Variants in PLA2G7 observed in about 807,000 individuals in gnomAD.
PLA2G7 encodes the protein platelet-activating factor acetylhydrolase.
A neutral mutation model predicts 49.6 loss-of-function variants in PLA2G7; 63 were observed. That is an observed-to-expected ratio of 1.27 (90% CI 1.04 to 1.57). PLA2G7 has a LOEUF of 1.57. Ranked by LOEUF, PLA2G7 falls within the 40% of genes most tolerant of loss-of-function variation. The probability of loss-of-function intolerance (pLI) is 0.00; values close to 1 mark genes in which losing one functional copy is unlikely to be tolerated. For missense variants in PLA2G7, 596 were observed against 521.2 expected (o/e 1.14, Z -1.40); for synonymous variants, 193 against 169.9 (o/e 1.14, Z -1.06).
intron 2 of PLA2G7, among the ~76,000 whole-genome samples, chr6:46,722,463 C>T (rs559786520): frequency 1.2e-4 from 18 of 152,108 alleles, no homozygotes; most frequent in African/African-American, 3.9e-4. Context: ...TGTGGGCATG[C>T]GTTAGGGCAG....
chr6:46,720,493 T>A (rs981238109), intron 2 of PLA2G7, among the ~76,000 whole-genome samples: 4 of 152,118 alleles, frequency 2.6e-5, no homozygotes, highest in African/African-American at 9.7e-5. Context: ...TTGGTATAGG[T>A]CTATGGGGTC....
In PLA2G7 at chr6:46,714,529, C is replaced by T; in HGVS notation, c.401G>A (p.Trp134Ter). Residue 134 changes from tryptophan to a stop codon, truncating the protein, a stop_gained, in exon 5 of 12, where the codon TGG (tryptophan) becomes TAG (stop). Coordinates refer to ENST00000274793, the MANE Select transcript of PLA2G7 (RefSeq NM_005084.4). LOFTEE classifies it high-confidence loss of function. ...LFGSMTTPAN[W>*]NSPLRPGEKY... ...TTCACCAGGCCTCAGAGGGGAATTC[C>T]AGTTTGCAGGAGTTGTCATTGAACC... 6.2e-7 allele frequency: 1 copy of T among 1,610,772 alleles called. No homozygotes were observed. The highest frequency in any genetic ancestry group is 8.5e-7 in the Non-Finnish European group (1 of 1,177,344).
intron 10 of PLA2G7, among the ~76,000 whole-genome samples, chr6:46,706,958 T>G (rs1287597830): frequency 6.6e-6 from 1 of 152,188 alleles, no homozygotes; most frequent in African/African-American, 2.4e-5. Context: ...GAGCCCATAG[T>G]GTTTATTGCC....
At chr6:46,711,398 G>T (rs1407064327) in intron 7 of PLA2G7, 98 bp downstream of exon 7, 1 of 1,308,094 alleles carries the variant, frequency 7.6e-7, no homozygotes, top group Non-Finnish European at 1.1e-6. Context: ...AGGAGAGCTA[G>T]GAGCATAACT....
chr6:46,704,739 A>G, intron 11 of PLA2G7, 43 bp from the exon 12 acceptor site: 1 of 1,276,576 alleles, frequency 7.8e-7, no homozygotes, highest in Non-Finnish European at 1.1e-6. Context: ...AACTTTTGAG[A>G]GCATTAAACA....
intron 2 of PLA2G7, among the ~76,000 whole-genome samples, chr6:46,721,509 C>T (rs1246939406): frequency 6.6e-6 from 1 of 151,710 alleles, no homozygotes; most frequent in African/African-American, 2.4e-5. Context: ...AAATTTTTAC[C>T]CTGTACCAAT....
intron 1 of PLA2G7, among the ~76,000 whole-genome samples, chr6:46,724,059 C>T (rs1582583461): frequency 6.6e-6 from 1 of 152,126 alleles, no homozygotes; most frequent in East Asian, 1.9e-4. Flanking sequence ...CTCTGACACC[C>T]AAATGACTGG....
rs560083617 is a variant in PLA2G7, at chr6:46,709,890, C to T, written c.778-472G>A. Among the ~76,000 whole-genome samples, 22 of 152,218 alleles carry T rather than the reference C, an allele frequency of 1.4e-4. 1 individual carries two copies. The East Asian group carries it at 1.7e-3, about 12-fold the overall frequency. ...ACAAAGGAGCACACATGACAGACAGCGAGCCCAGTCCAGAAGTGGGTATTG... is the reference window on the plus strand; with the variant it reads ...ACAAAGGAGCACACATGACAGACAGTGAGCCCAGTCCAGAAGTGGGTATTG... On this transcript the variant is annotated intron_variant, in intron 8 of 11. Transcript: ENST00000274793.
At position 46,722,801 on chromosome 6, in the gene PLA2G7, CA is replaced by C; in HGVS notation, c.90del (p.Ala31ProfsTer3). On this transcript the variant is annotated frameshift_variant, in exon 2 of 12. Coordinates refer to ENST00000274793, the MANE Select transcript of PLA2G7 (RefSeq NM_005084.4). LOFTEE classifies it high-confidence loss of function. ...CTCTTACCTGATGATTTCATATGGG[CA>C]ACAGGATTTATGTATTGCCAGTCAA... ...YPFDWQYINP[V>X]AHMKSSAWVN... The C allele has an allele frequency of 6.2e-7, 1 of 1,606,774 alleles. No homozygotes were observed. Among genetic ancestry groups the C allele is most frequent in the Non-Finnish European group, 8.5e-7 (1 of 1,173,352 alleles).
intron 2 of PLA2G7, among the ~76,000 whole-genome samples, chr6:46,718,349 T>C (rs895361426): frequency 6.6e-6 from 1 of 152,244 alleles, no homozygotes; most frequent in Admixed American, 6.5e-5. Flanking sequence ...ACACATGCTT[T>C]CCTAAGCCAA....
chr6:46,717,293 G>C (rs1159212557), intron 2 of PLA2G7, among the ~76,000 whole-genome samples, 197 bp from the exon 3 acceptor site: 1 of 152,154 alleles, frequency 6.6e-6, no homozygotes, highest in Non-Finnish European at 1.5e-5. Flanking sequence ...AGGGTAAAGA[G>C]ATGAAAGTAG....
chr6:46,716,984 G>A lies in PLA2G7; in HGVS notation c.222C>T (p.His74=), dbSNP rs1005751871. 9 of 1,613,214 alleles carry A rather than the reference G, an allele frequency of 5.6e-6. No homozygotes were observed. The African/African-American group carries it at 8.0e-5, about 14-fold the overall frequency. Residue 74 remains histidine, a synonymous_variant, in exon 3 of 12, where the codon CAC becomes CAT. Coordinates refer to ENST00000274793, the MANE Select transcript of PLA2G7 (RefSeq NM_005084.4). The part of the protein sequence containing the change: ...SVGCTDLMFD[H]TNKGTFLRLY... ...TAAATCAAAGCATTACCTTATTAGT[G>A]TGATCAAACATTAAGTCTGTACAAC...
Position 46,717,049 on chromosome 6 carries a change from G to A in PLA2G7, c.157C>T (p.Gln53Ter), listed in dbSNP as rs1213619388. The change falls in exon 3 of 12, where the codon CAA (glutamine) becomes TAA (stop). Residue 53 changes from glutamine (Q) to a stop codon, truncating the protein, a stop_gained. Transcript: ENST00000274793. LOFTEE classifies it high-confidence loss of function. ...QVLMAAASFG[Q>*]TKIPRGNGPY... ...CCATTTCCCCGGGGGATTTTAGTTT[G>A]GCCAAAGCTTGCAGCAGCCATCAGT... The A allele has an allele frequency of 6.2e-7, 1 of 1,613,450 alleles. No individual in the cohort carries two copies. The highest frequency in any genetic ancestry group is 1.3e-5 in the African/African-American group (1 of 74,900).
intron 5 of PLA2G7, among the ~76,000 whole-genome samples, chr6:46,713,238 A>C (rs1244428265): frequency 1.3e-5 from 2 of 152,178 alleles, no homozygotes; most frequent in Non-Finnish European, 2.9e-5. Context: ...ACAGAGAATA[A>C]AAAGGAGGTA....
At chr6:46,715,838 T>C (rs1765181073) in intron 4 of PLA2G7, among the ~76,000 whole-genome samples, 1 of 152,134 alleles carries the variant, frequency 6.6e-6, no homozygotes, top group Non-Finnish European at 1.5e-5. Flanking sequence ...GTCAAACAGA[T>C]AAGGAAGGAA....
At chr6:46,721,352 T>A (rs897199589) in intron 2 of PLA2G7, among the ~76,000 whole-genome samples, 2 of 152,070 alleles carry the variant, frequency 1.3e-5, no homozygotes, top group Non-Finnish European at 2.9e-5. Context: ...CCGGCCTGCA[T>A]TCATTTTTGA....
At chr6:46,725,392 C>T (rs760030889) in intron 1 of PLA2G7, among the ~76,000 whole-genome samples, 11 of 151,826 alleles carry the variant, frequency 7.2e-5, no homozygotes, top group East Asian at 5.8e-4. Context: ...CCTCCATGCC[C>T]GGCTAATTTT....
In PLA2G7 at chr6:46,704,466, TCTCTCTCTCTCTCACACACA is replaced by T. The variant is rs1247252490; in HGVS notation, c.*74_*93del. On this transcript the variant is annotated 3_prime_UTR_variant, in exon 12 of 12. Transcript: ENST00000274793. ...TTCTCTCTCTCTCTCTCTCTCTCTC[TCTCTCTCTCTCTCACACACA>T]CACACACACACACACACACACACAT... 1,311 of 502,884 alleles carry T rather than the reference TCTCTCTCTCTCTCACACACA, an allele frequency of 2.6e-3. No homozygotes were observed. Among genetic ancestry groups the T allele is most frequent in the East Asian group, 0.012 (294 of 24,878 alleles). 31.2% of individuals were successfully genotyped at this position (502,884 alleles called of 1,614,324 possible).
chr6:46,720,592 T>C (rs1765364455), intron 2 of PLA2G7, among the ~76,000 whole-genome samples: 1 of 152,170 alleles, frequency 6.6e-6, no homozygotes, highest in Admixed American at 6.5e-5. Flanking sequence ...GGATTTCCCA[T>C]TCTCTAACCA....
Sources: gnomAD v4.1 joint callset for allele counts (sites outside exome capture counted in the v4.1 genomes callset) on GRCh38, gnomAD v4.1.1 for gene constraint, MANE v1.5 for transcripts, NCBI Gene and HGNC (gene_info 2026-07-23, HGNC 2026-07-21) for gene names.